STK32A: variants seen among roughly 807,000 people sequenced by gnomAD.
STK32A encodes serine/threonine kinase 32A.
Under a neutral mutation model 53.2 loss-of-function variants are expected in STK32A, and 41 were observed. The ratio of observed to expected loss-of-function variants is 0.77; its 90% CI spans 0.60 to 1.00. STK32A has a LOEUF of 1.00. STK32A is among the 50% of genes least tolerant of loss of function. STK32A has a pLI of 0.00. For synonymous variants in STK32A, 166 were observed against 162.8 expected (o/e 1.02, Z -0.15); for missense variants, 458 against 485.8 (o/e 0.94, Z 0.54).
At chr5:147,376,688 C>A (rs1411616934) in intron 11 of STK32A, among the ~76,000 whole-genome samples, 1 of 152,146 alleles carries the variant, frequency 6.6e-6, no homozygotes, top group Non-Finnish European at 1.5e-5. Context: ...AAGCACTGAA[C>A]CTTTTGTTCT....
At position 147,334,261 on chromosome 5, in the gene STK32A, A is replaced by G. The variant is rs553858992; in HGVS notation, c.435-8745A>G. 2.8e-3 allele frequency among the ~76,000 whole-genome samples: 419 copies of G among 152,326 alleles called. 1 individual carries two copies. The highest frequency in any genetic ancestry group is 9.3e-3 in the African/African-American group (387 of 41,580). ...TAAAGTAGTTCATTTTCAGACATGC[A>G]TAACCTTAGAAAGTTCTTCTCTTGA... On this transcript the variant is annotated intron_variant, in intron 5 of 12. Coordinates refer to ENST00000397936, the MANE Select transcript of STK32A (RefSeq NM_001112724.2).
intron 2 of STK32A, among the ~76,000 whole-genome samples, chr5:147,260,080 C>T (rs1369775027): frequency 8.2e-6 from 1 of 122,550 alleles, no homozygotes; most frequent in Admixed American, 8.5e-5. Context: ...TCCTGTCTCT[C>T]GCTCTCCTCT....
chr5:147,374,013 T>C (rs553317375), intron 10 of STK32A, among the ~76,000 whole-genome samples: 8 of 152,218 alleles, frequency 5.3e-5, no homozygotes, highest in Admixed American at 6.5e-5. Flanking sequence ...TTTTCTGTTT[T>C]GGCTGTCATG....
the STK32A span, chr5:147,394,238 C>G: frequency 1.0e-6 from 1 of 998,538 alleles, no homozygotes; most frequent in Non-Finnish European, 1.5e-6. Flanking sequence ...AAGTGCCTTG[C>G]TGGCCTCACC....
At chr5:147,334,789 A>ACACT (rs1372067283) in intron 5 of STK32A, among the ~76,000 whole-genome samples, 2 of 152,170 alleles carry the variant, frequency 1.3e-5, no homozygotes, top group Non-Finnish European at 2.9e-5. Flanking sequence ...AGCTCTTCTT[A>ACACT]CACTGGACAC....
At chr5:147,321,916 A>G (rs1243624504) in intron 4 of STK32A, among the ~76,000 whole-genome samples, 1 of 152,056 alleles carries the variant, frequency 6.6e-6, no homozygotes, top group Admixed American at 6.6e-5. Context: ...CATTATCCCT[A>G]TTGCATCTGC....
At chr5:147,340,618 T>C (rs571168604) in intron 5 of STK32A, among the ~76,000 whole-genome samples, 1 of 152,356 alleles carries the variant, frequency 6.6e-6, no homozygotes, top group African/African-American at 2.4e-5. Flanking sequence ...GTGAATTAGA[T>C]GTTACCCTAT....
At chr5:147,324,394 T>C (rs1385390335) in intron 5 of STK32A, among the ~76,000 whole-genome samples, 1 of 152,040 alleles carries the variant, frequency 6.6e-6, no homozygotes, top group Non-Finnish European at 1.5e-5. Context: ...TAAATGGAGG[T>C]AGCACATGGA....
chr5:147,395,747 C>CA, the STK32A span: 15 of 1,609,560 alleles, frequency 9.3e-6, no homozygotes, highest in Non-Finnish European at 1.3e-5. Flanking sequence ...AGCATGTCAC[C>CA]ATTCATTCAT....
At chr5:147,290,119 C>G (rs952343886) in intron 4 of STK32A, among the ~76,000 whole-genome samples, 2 of 152,052 alleles carry the variant, frequency 1.3e-5, no homozygotes, top group African/African-American at 4.8e-5. Context: ...ATGGGGATAT[C>G]TTGGTGAGCA....
chr5:147,366,689 T>G (rs879534867), intron 8 of STK32A, among the ~76,000 whole-genome samples: 1 of 152,340 alleles, frequency 6.6e-6, no homozygotes, highest in Non-Finnish European at 1.5e-5. Context: ...CTGTAGTCTC[T>G]AAGGCAAAGA....
intron 4 of STK32A, among the ~76,000 whole-genome samples, chr5:147,305,109 A>T (rs1251487359): frequency 6.6e-6 from 1 of 152,164 alleles, no homozygotes; most frequent in Non-Finnish European, 1.5e-5. Context: ...AAATTAAAAA[A>T]ATATATTGAG....
intron 6 of STK32A, among the ~76,000 whole-genome samples, chr5:147,346,664 A>AC (rs1320313341): frequency 1.3e-5 from 2 of 152,176 alleles, no homozygotes; most frequent in African/African-American, 4.8e-5. Context: ...GTGACTCCTG[A>AC]CCCACTATCC....
chr5:147,354,021 A>AGAG (rs1270925051), intron 7 of STK32A, among the ~76,000 whole-genome samples: 2 of 151,394 alleles, frequency 1.3e-5, no homozygotes. Flanking sequence ...AGAGAGAGAG[A>AGAG]GAGGAAAAGA....
At chr5:147,321,113 CA>C (rs1317425082) in intron 4 of STK32A, among the ~76,000 whole-genome samples, 1 of 152,162 alleles carries the variant, frequency 6.6e-6, no homozygotes, top group Non-Finnish European at 1.5e-5. Flanking sequence ...TTACTGAGCA[CA>C]CTTTGCAATG....
At position 147,323,936 on chromosome 5, in the gene STK32A, T is replaced by C. The variant is rs201593858; in HGVS notation, c.299T>C (p.Val100Ala). ...FQDEEDMFMV[V>A]DLLLGGDLRY... Reference sequence around the variant, plus strand: ...GATGAGGAAGACATGTTCATGGTGGTGGACCTCCTGCTGGGTGGAGACCTG... The same window carrying C: ...GATGAGGAAGACATGTTCATGGTGGCGGACCTCCTGCTGGGTGGAGACCTG... The change falls in exon 5 of 13, where the codon GTG (valine) becomes GCG (alanine). Residue 100 changes from valine (V) to alanine (A), a missense_variant. Physicochemically the swap from Val to Ala is moderately conservative, Grantham distance 64. Coordinates refer to ENST00000397936, the MANE Select transcript of STK32A (RefSeq NM_001112724.2). The C allele has an allele frequency of 1.2e-6, 2 of 1,613,724 alleles. No homozygotes were observed. Among genetic ancestry groups the C allele is most frequent in the South Asian group, 2.2e-5 (2 of 90,920 alleles).
intron 4 of STK32A, among the ~76,000 whole-genome samples, chr5:147,319,399 C>A (rs2151976157): frequency 6.6e-6 from 1 of 152,218 alleles, no homozygotes; most frequent in Admixed American, 6.5e-5. Flanking sequence ...GCCTCGGCCT[C>A]CCAAAGTGCT....
chr5:147,301,031 AC>A (rs1329465980), intron 4 of STK32A, among the ~76,000 whole-genome samples: 2 of 152,230 alleles, frequency 1.3e-5, no homozygotes, highest in South Asian at 4.1e-4. Context: ...GAAAAAGCAC[AC>A]AAAATTTGTT....
At chr5:147,382,986 A>C (rs1450605171) in intron 11 of STK32A, 1 of 157,928 alleles carries the variant, frequency 6.3e-6, no homozygotes, top group Admixed American at 6.5e-5. Context: ...AATTTGGAGA[A>C]CACAGTTCTT....
Sources: allele counts gnomAD v4.1 joint callset (sites outside exome capture counted in the v4.1 genomes callset), GRCh38; gene constraint gnomAD v4.1.1; transcripts MANE v1.5; gene names NCBI Gene and HGNC (gene_info 2026-07-23, HGNC 2026-07-21).